ADCY2: variants seen among roughly 807,000 people sequenced by gnomAD.
The protein encoded by ADCY2 is adenylate cyclase type 2.
Under a neutral mutation model 125.2 loss-of-function variants are expected in ADCY2, and 31 were observed. That is an observed-to-expected ratio of 0.25 (90% CI 0.19 to 0.33). The LOEUF (loss-of-function observed/expected upper bound fraction) is 0.33, where lower values mean the gene tolerates loss of function less well. ADCY2 is among the 10% of genes least tolerant of loss of function. ADCY2 has a pLI of 1.00. For synonymous variants in ADCY2, 512 were observed against 548.4 expected (o/e 0.93, Z 0.93); for missense variants, 904 against 1,418.2 (o/e 0.64, Z 5.82).
intron 20 of ADCY2, among the ~76,000 whole-genome samples, chr5:7,793,370 C>G (rs2388806): frequency 0.79 from 120,835 of 152,204 alleles, 48,566 homozygotes; most frequent in African/African-American, 0.87. Context: ...AGAATCGCAC[C>G]AACCCAGGAG....
chr5:7,650,585 G>A (rs1282908268), intron 4 of ADCY2, among the ~76,000 whole-genome samples: 1 of 152,100 alleles, frequency 6.6e-6, no homozygotes, highest in Non-Finnish European at 1.5e-5. Context: ...TGAGCCCACT[G>A]CGTGGGAGCC....
chr5:7,759,567 C>T (rs1743129910), intron 16 of ADCY2, among the ~76,000 whole-genome samples: 1 of 152,196 alleles, frequency 6.6e-6, no homozygotes, highest in Non-Finnish European at 1.5e-5. Context: ...AAGTGGGTCT[C>T]CCCTTCTTCT....
At chr5:7,495,634 G>T (rs6555470) in intron 2 of ADCY2, among the ~76,000 whole-genome samples, 149,683 of 152,324 alleles carry the variant, frequency 0.98, 73,595 homozygotes, top group Middle Eastern at 1. Flanking sequence ...AATAAAAGTT[G>T]CTTCTTAAAT....
At chr5:7,725,716 G>T (rs207465504) in intron 13 of ADCY2, among the ~76,000 whole-genome samples, 1 of 152,086 alleles carries the variant, frequency 6.6e-6, no homozygotes, top group African/African-American at 2.4e-5. Flanking sequence ...CTGCACAAAG[G>T]CCTGAAGAAG....
At chr5:7,805,404 T>C (rs933715708) in intron 22 of ADCY2, among the ~76,000 whole-genome samples, 2 of 152,146 alleles carry the variant, frequency 1.3e-5, no homozygotes, top group African/African-American at 2.4e-5. Flanking sequence ...TTGGGCAAAA[T>C]TGAATATCTT....
Position 7,757,468 on chromosome 5 carries a change from C to G in ADCY2, c.1976C>G (p.Ser659Cys). ...GQLLQCSKKA[S>C]PLLMWLLKSS... ...TCCTAGCAATGCAGCAAAAAAGCCTCTCCCCTGCTCATGTGGCTTTTGAAG... is the reference window on the plus strand; with the variant it reads ...TCCTAGCAATGCAGCAAAAAAGCCTGTCCCCTGCTCATGTGGCTTTTGAAG... The change falls in exon 16 of 25, where the codon TCT becomes TGT. Residue 659 changes from serine (S) to cysteine (C), a missense_variant. Coordinates refer to ENST00000338316, the MANE Select transcript of ADCY2 (RefSeq NM_020546.3). 1.2e-6 allele frequency: 2 copies of G among 1,614,058 alleles called. No individual in the cohort carries two copies. Among genetic ancestry groups the G allele is most frequent in the Non-Finnish European group, 1.7e-6 (2 of 1,179,966 alleles).
At chr5:7,700,404 A>G (rs1402457228) in intron 7 of ADCY2, among the ~76,000 whole-genome samples, 1 of 152,180 alleles carries the variant, frequency 6.6e-6, no homozygotes, top group Non-Finnish European at 1.5e-5. Flanking sequence ...CTTATAAATA[A>G]TAAAGCCTTT....
intron 15 of ADCY2, among the ~76,000 whole-genome samples, chr5:7,747,451 T>A (rs1340058204): frequency 6.6e-6 from 1 of 152,184 alleles, no homozygotes; most frequent in African/African-American, 2.4e-5. Context: ...CCTCATCTCA[T>A]GGAGGCCAAC....
chr5:7,722,817 G>A lies in ADCY2; in HGVS notation c.1704-1728G>A, dbSNP rs144032882. 3.4e-3 allele frequency among the ~76,000 whole-genome samples: 515 copies of A among 151,630 alleles called. 3 individuals are homozygous for A. Among genetic ancestry groups the A allele is most frequent in the African/African-American group, 0.012 (483 of 41,210 alleles). The stretch of plus-strand genomic sequence containing the variant: ...CTACTAAGAAATACAAAAATTAACC[G>A]GGCATGCTGGTGTGCACCTGTAATC... On this transcript the variant is annotated intron_variant, in intron 12 of 24. Coordinates refer to ENST00000338316, the MANE Select transcript of ADCY2 (RefSeq NM_020546.3).
chr5:7,567,641 A>G lies in ADCY2; in HGVS notation c.570+46742A>G, dbSNP rs558624624. ...GTTGTGTTGAGTTTAGCTTTATTTA[A>G]GCAGTTTGGAAATTCAAACTCTACC... On this transcript the variant is annotated intron_variant, in intron 3 of 24. Transcript: ENST00000338316. Among the ~76,000 whole-genome samples the G allele has an allele frequency of 2.0e-5, 3 of 152,284 alleles. No homozygotes were observed. In the South Asian group the frequency reaches 6.2e-4, roughly 32 times the overall value.
chr5:7,520,622 T>G (rs1179552743), intron 2 of ADCY2, 116 bp from the exon 3 acceptor site: 5 of 1,134,422 alleles, frequency 4.4e-6, no homozygotes, highest in Non-Finnish European at 6.3e-6. Context: ...TATAGATTAT[T>G]TCTAAAATGA....
intron 3 of ADCY2, among the ~76,000 whole-genome samples, chr5:7,537,758 A>G (rs370531680): frequency 1.3e-5 from 2 of 152,336 alleles, no homozygotes; most frequent in African/African-American, 4.8e-5. Flanking sequence ...TGCGGCATGC[A>G]AGGCCCTGTA....
intron 2 of ADCY2, among the ~76,000 whole-genome samples, chr5:7,436,956 C>G (rs535016017): frequency 6.6e-6 from 1 of 152,166 alleles, no homozygotes; most frequent in Non-Finnish European, 1.5e-5. Context: ...GCTCCACCTT[C>G]ACAAGGGGCT....
At chr5:7,700,188 T>C (rs1741032935) in intron 7 of ADCY2, among the ~76,000 whole-genome samples, 1 of 152,232 alleles carries the variant, frequency 6.6e-6, no homozygotes, top group Admixed American at 6.5e-5. Flanking sequence ...TTAATTTGTA[T>C]TTGTAACATA....
intron 2 of ADCY2, among the ~76,000 whole-genome samples, chr5:7,505,613 C>A (rs1743783626): frequency 6.6e-6 from 1 of 152,178 alleles, no homozygotes; most frequent in Non-Finnish European, 1.5e-5. Flanking sequence ...GTTCGTAGCT[C>A]ACGGATATGC....
At chr5:7,580,236 A>C (rs1426060639) in intron 3 of ADCY2, among the ~76,000 whole-genome samples, 5 of 152,222 alleles carry the variant, frequency 3.3e-5, no homozygotes, top group Admixed American at 3.3e-4. Flanking sequence ...AAACCTTTAC[A>C]TGTATGCCCT....
intron 22 of ADCY2, among the ~76,000 whole-genome samples, chr5:7,812,410 G>A (rs539405998): frequency 8.1e-4 from 123 of 152,222 alleles, no homozygotes; most frequent in African/African-American, 2.8e-3. Context: ...CACCTTGGTC[G>A]TTGTTAAAGC....
At chr5:7,634,292 A>AGTTGGACTT (rs1738420859) in intron 4 of ADCY2, among the ~76,000 whole-genome samples, 1 of 152,242 alleles carries the variant, frequency 6.6e-6, no homozygotes, top group South Asian at 2.1e-4. Flanking sequence ...ATCTGTAACA[A>AGTTGGACTT]ATTGAAGGTT....
intron 4 of ADCY2, among the ~76,000 whole-genome samples, chr5:7,634,518 T>A (rs1351665338): frequency 4.6e-5 from 7 of 152,208 alleles, no homozygotes; most frequent in Non-Finnish European, 1.0e-4. Flanking sequence ...ACTAACGTTG[T>A]CATAAATGTG....
Sources: gnomAD v4.1 joint callset for allele counts (sites outside exome capture counted in the v4.1 genomes callset) on GRCh38, gnomAD v4.1.1 for gene constraint, MANE v1.5 for transcripts, NCBI Gene and HGNC (gene_info 2026-07-23, HGNC 2026-07-21) for gene names.